Variants in PKNOX2 observed in about 807,000 individuals in gnomAD.
PKNOX2 encodes the protein homeobox protein PKNOX2.
A neutral mutation model predicts 53.1 loss-of-function variants in PKNOX2; 14 were observed. The observed-to-expected ratio is 0.26, with a 90% CI of 0.17 to 0.41. The LOEUF (loss-of-function observed/expected upper bound fraction) is 0.41, where lower values mean the gene tolerates loss of function less well. Among genes scored for constraint, PKNOX2 ranks in the 10% least tolerant of loss-of-function variants. PKNOX2 has a pLI of 1.00. For synonymous variants in PKNOX2, 257 were observed against 242.8 expected, an observed-to-expected ratio of 1.06 and a Z score of -0.54; for missense variants, 496 against 602.8, an observed-to-expected ratio of 0.82 and a Z score of 1.85.
In PKNOX2 at chr11:125,410,826, G is replaced by A. The variant is rs1312322953; in HGVS notation, c.766G>A (p.Val256Met). Reference sequence around the variant, plus strand: ...TACCATGGTAACCTCCCAGGGTCAGGTGGTCACCCAAGCAATCCCCCAGGG... The same window carrying A: ...TACCATGGTAACCTCCCAGGGTCAGATGGTCACCCAAGCAATCCCCCAGGG... ...PVTMVTSQGQVVTQAIPQGAI... is the reference protein window; with the variant it reads ...PVTMVTSQGQMVTQAIPQGAI... Residue 256 changes from valine (V) to methionine (M), a missense_variant, in exon 9 of 13, where the codon GTG becomes ATG. This residue lies in a region of PKNOX2 where 141 missense variants were observed against 143.9 expected (regional missense o/e 0.98). Transcript: ENST00000298282. 1.9e-6 allele frequency: 3 copies of A among 1,614,098 alleles called. No individual in the cohort carries two copies. Among genetic ancestry groups the A allele is most frequent in the Admixed American group, 1.7e-5 (1 of 60,010 alleles).
chr11:125,202,842 G>A (rs548850443), intron 1 of PKNOX2, among the ~76,000 whole-genome samples: 6 of 152,160 alleles, frequency 3.9e-5, no homozygotes, highest in African/African-American at 1.4e-4. Context: ...TTTTAGAGAT[G>A]GGCAAATTAA....
intron 2 of PKNOX2, among the ~76,000 whole-genome samples, chr11:125,299,244 A>T (rs897191129): frequency 6.6e-6 from 1 of 151,730 alleles, no homozygotes; most frequent in Non-Finnish European, 1.5e-5. Flanking sequence ...TGAGGAACCC[A>T]CCTCCACGAT....
chr11:125,193,211 C>T (rs10893347), intron 1 of PKNOX2, among the ~76,000 whole-genome samples: 33,694 of 152,194 alleles, frequency 0.22, 4,600 homozygotes, highest in Non-Finnish European at 0.31. Flanking sequence ...ATAGCAATTA[C>T]CAGTTCCAAT....
intron 2 of PKNOX2, among the ~76,000 whole-genome samples, chr11:125,302,760 C>A (rs1360931632): frequency 2.0e-5 from 3 of 152,248 alleles, no homozygotes; most frequent in African/African-American, 7.2e-5. Context: ...TGGCTGGACA[C>A]CCCTCAAAGG....
chr11:125,244,914 G>C (rs1382178353), intron 2 of PKNOX2, among the ~76,000 whole-genome samples: 1 of 152,122 alleles, frequency 6.6e-6, no homozygotes, highest in Non-Finnish European at 1.5e-5. Context: ...AGACCACGTG[G>C]TGGGTGGTGT....
intron 1 of PKNOX2, among the ~76,000 whole-genome samples, chr11:125,203,345 C>T (rs1261683550): frequency 2.0e-5 from 3 of 152,214 alleles, no homozygotes; most frequent in Non-Finnish European, 4.4e-5. Context: ...CGGGCTCAAG[C>T]GATCCTCCTG....
intron 1 of PKNOX2, among the ~76,000 whole-genome samples, chr11:125,174,487 C>T (rs1955555555): frequency 6.6e-6 from 1 of 152,210 alleles, no homozygotes; most frequent in African/African-American, 2.4e-5. Context: ...TGGCTCTCTT[C>T]AAGCCCCTTT....
intron 6 of PKNOX2, among the ~76,000 whole-genome samples, chr11:125,387,334 A>T (rs1953704948): frequency 1.3e-5 from 2 of 152,184 alleles, no homozygotes; most frequent in Non-Finnish European, 2.9e-5. Context: ...TGGTAAGGAA[A>T]TATCAAAAAG....
intron 2 of PKNOX2, among the ~76,000 whole-genome samples, chr11:125,315,471 G>A (rs943754775): frequency 2.6e-5 from 4 of 152,280 alleles, no homozygotes; most frequent in Non-Finnish European, 5.9e-5. Context: ...TTGGCCCAGT[G>A]CAGAGAGGCC....
chr11:125,243,674 G>C (rs1943341551), intron 2 of PKNOX2, among the ~76,000 whole-genome samples: 1 of 151,020 alleles, frequency 6.6e-6, no homozygotes, highest in Non-Finnish European at 1.5e-5. Flanking sequence ...CCAGGCTGGA[G>C]TGCAGTGGCG....
intron 1 of PKNOX2, among the ~76,000 whole-genome samples, chr11:125,178,955 G>T (rs925307078): frequency 2.0e-5 from 3 of 152,058 alleles, no homozygotes; most frequent in Non-Finnish European, 4.4e-5. Flanking sequence ...GAGATAGCCC[G>T]TGTAAAGTGC....
At position 125,323,855 on chromosome 11, in the gene PKNOX2, T is replaced by TTGTGTG. The variant is rs57415781; in HGVS notation, c.-129-7948_-129-7943dup. ...TGTGTCTGTGACACTGTTTCTGGGG[T>TTGTGTG]TGTGTGTGTGTGTGTGTGTGTTGTC... On this transcript the variant is annotated intron_variant, in intron 2 of 12. Transcript: ENST00000298282. Among the ~76,000 whole-genome samples, 304 of 149,890 alleles carry TTGTGTG rather than the reference T, an allele frequency of 2.0e-3. 2 individuals carry two copies. Among genetic ancestry groups the TTGTGTG allele is most frequent in the African/African-American group, 5.8e-3 (237 of 41,044 alleles).
chr11:125,356,584 A>G (rs1180929899), intron 4 of PKNOX2, among the ~76,000 whole-genome samples: 1 of 152,188 alleles, frequency 6.6e-6, no homozygotes, highest in African/African-American at 2.4e-5. Context: ...ACTCCAGGAC[A>G]TGGCACTCAG....
intron 1 of PKNOX2, among the ~76,000 whole-genome samples, chr11:125,183,547 G>C (rs1956274971): frequency 6.6e-6 from 1 of 152,028 alleles, no homozygotes; most frequent in Admixed American, 6.5e-5. Context: ...TTAAATCCCT[G>C]GCCAGCTACC....
Position 125,368,563 on chromosome 11 carries a change from A to G in PKNOX2, c.227+578A>G, listed in dbSNP as rs181106871. On this transcript the variant is annotated intron_variant, in intron 5 of 12. Coordinates refer to ENST00000298282, the MANE Select transcript of PKNOX2 (RefSeq NM_001382323.2). ...TGGTTATTGGACCACACTTGGATTC[A>G]TGGTAGTCTCTGTTTTTAAACAATA... Among the ~76,000 whole-genome samples the G allele has an allele frequency of 3.3e-5, 5 of 152,342 alleles. No individual in the cohort carries two copies. The East Asian group carries it at 9.7e-4, about 29-fold the overall frequency.
At chr11:125,358,229 A>G (rs532580027) in intron 4 of PKNOX2, among the ~76,000 whole-genome samples, 2 of 152,368 alleles carry the variant, frequency 1.3e-5, no homozygotes, top group Admixed American at 6.5e-5. Context: ...AATAGGTTTT[A>G]CCAGCTATGA....
chr11:125,237,270 C>T (rs113576933), intron 2 of PKNOX2, among the ~76,000 whole-genome samples: 21 of 152,276 alleles, frequency 1.4e-4, no homozygotes, highest in Non-Finnish European at 2.8e-4. Context: ...AGCTGTGTTG[C>T]CTTTTATTAC....
chr11:125,211,036 C>T lies in PKNOX2; in HGVS notation c.-200-24009C>T, dbSNP rs918873568. Among the ~76,000 whole-genome samples the T allele has an allele frequency of 6.6e-5, 10 of 152,156 alleles. 1 individual carries two copies. In the South Asian group the frequency reaches 1.5e-3, roughly 22 times the overall value. On this transcript the variant is annotated intron_variant, in intron 1 of 12. Coordinates refer to ENST00000298282, the MANE Select transcript of PKNOX2 (RefSeq NM_001382323.2). The stretch of plus-strand genomic sequence containing the variant: ...ATGGAATGAATGAGACGATGCTTGT[C>T]GGTCAGGTGCCTAGCACAGTGCACA...
intron 10 of PKNOX2, among the ~76,000 whole-genome samples, chr11:125,421,843 G>T (rs1445704573): frequency 6.6e-6 from 1 of 152,192 alleles, no homozygotes; most frequent in African/African-American, 2.4e-5. Context: ...CACATCCGGG[G>T]CCAAGGACAC....
Sources: allele counts gnomAD v4.1 joint callset (sites outside exome capture counted in the v4.1 genomes callset), GRCh38; gene constraint gnomAD v4.1.1; regional missense constraint gnomAD v4.1.1; transcripts MANE v1.5; gene names NCBI Gene and HGNC (gene_info 2026-07-23, HGNC 2026-07-21).